Variants in PTCD3 observed in about 807,000 individuals in gnomAD.
PTCD3 encodes the protein pentatricopeptide repeat domain 3.
PTCD3 carries 89 observed loss-of-function variants against 101.9 expected under a neutral mutation model. The observed-to-expected ratio is 0.87, with a 90% CI of 0.74 to 1.04. PTCD3 has a LOEUF of 1.04. PTCD3 is among the 50% of genes least tolerant of loss of function. The probability of loss-of-function intolerance (pLI) is 0.00; values close to 1 mark genes in which losing one functional copy is unlikely to be tolerated. For synonymous variants in PTCD3, 296 were observed against 278.5 expected (o/e 1.06, Z -0.63); for missense variants, 870 against 828.2 (o/e 1.05, Z -0.62).
At chr2:86,130,537 G>T in intron 14 of PTCD3, 111 bp from the exon 15 acceptor site, 1 of 1,491,348 alleles carries the variant, frequency 6.7e-7, no homozygotes, top group Non-Finnish European at 9.0e-7. Flanking sequence ...TCTATGCGAG[G>T]ACTTAGGCTG....
intron 11 of PTCD3, 65 bp from the exon 12 acceptor site, chr2:86,125,730 C>A: frequency 1.6e-6 from 2 of 1,276,600 alleles, no homozygotes; most frequent in Non-Finnish European, 2.2e-6. Context: ...GACTGCTTTG[C>A]CTTAAACTCA....
chr2:86,135,742 T>C (rs1056413576), intron 21 of PTCD3: 3 of 333,870 alleles, frequency 9.0e-6, no homozygotes, highest in South Asian at 7.1e-5. Context: ...CAGGAAAAGA[T>C]GATGAAGGCT....
chr2:86,136,813 C>T, intron 22 of PTCD3, 169 bp from the exon 23 acceptor site: 1 of 936,846 alleles, frequency 1.1e-6, no homozygotes, highest in Non-Finnish European at 1.7e-6. Context: ...CCATTTGGCC[C>T]TTTAGACTTT....
Position 86,134,991 on chromosome 2 carries a change from A to T in PTCD3, c.1778+4A>T. 6.2e-7 allele frequency: 1 copy of T among 1,613,640 alleles called. No individual in the cohort carries two copies. The highest frequency in any genetic ancestry group is 8.5e-7 in the Non-Finnish European group (1 of 1,179,634). ...CTGGGAGAACTCAGGAAGCCTGGTG[A>T]GTACAGTACCACAAGTATACACTTT... On this transcript the variant is annotated splice_donor_region_variant and intron_variant, in intron 21 of 23. Coordinates refer to ENST00000254630, the MANE Select transcript of PTCD3 (RefSeq NM_017952.6).
chr2:86,125,007 C>T lies in PTCD3; in HGVS notation c.729C>T (p.Asn243=), dbSNP rs75290041. Residue 243 remains asparagine, a synonymous_variant, in exon 10 of 24, where the codon AAC becomes AAT. Transcript: ENST00000254630. ...CTCTTGTGTCTAGAGCAAAAAACAA[C>T]GCTGAGAGAATCTTTTCTCTAATGC... The part of the protein sequence containing the change: ...QFGVTWRAKN[N]AERIFSLMPE... The T allele has an allele frequency of 2.9e-5, 47 of 1,613,782 alleles. No individual in the cohort carries two copies. The highest frequency in any genetic ancestry group is 2.2e-4 in the Admixed American group (13 of 59,992).
rs1204619536 is a variant in PTCD3, at chr2:86,141,569, C to G, written c.*4010C>G. 1 of 152,084 alleles carries G rather than the reference C, an allele frequency of 6.6e-6. No individual in the cohort carries two copies. The highest frequency in any genetic ancestry group is 1.5e-5 in the Non-Finnish European group (1 of 68,022). 9.4% of individuals were successfully genotyped at this position (152,084 alleles called of 1,614,324 possible). A position where few individuals can be genotyped will look rare whatever the true frequency, so the allele number is the denominator to read the frequency against. On this transcript the variant is annotated 3_prime_UTR_variant, in exon 24 of 24. Transcript: ENST00000254630. ...GAAGGTGGTGTGCCTTAAAGACAGTCTAAAATTAGGTTTTAGTTTGTTACA... is the reference window on the plus strand; with the variant it reads ...GAAGGTGGTGTGCCTTAAAGACAGTGTAAAATTAGGTTTTAGTTTGTTACA...
At chr2:86,127,475 CT>C in intron 13 of PTCD3, 170 bp downstream of exon 13, 2 of 686,254 alleles carry the variant, frequency 2.9e-6, no homozygotes, top group Middle Eastern at 3.9e-4. Flanking sequence ...GTGGGAGTGC[CT>C]TTATCATCTT....
At chr2:86,131,534 A>G (rs1674495191) in intron 16 of PTCD3, among the ~76,000 whole-genome samples, 1 of 152,162 alleles carries the variant, frequency 6.6e-6, no homozygotes, top group Admixed American at 6.6e-5. Flanking sequence ...GTACTTTTCA[A>G]TCACATACTA....
intron 20 of PTCD3, 64 bp from the exon 21 acceptor site, chr2:86,134,775 G>T (rs1044956044): frequency 3.2e-6 from 5 of 1,563,300 alleles, no homozygotes; most frequent in Non-Finnish European, 2.6e-6. Flanking sequence ...TCCTGTGTTA[G>T]TCTCCTGAAC....
rs1301451266 is a variant in PTCD3, at chr2:86,108,410, T to G, written c.157+8T>G. The G allele has an allele frequency of 6.2e-7, 1 of 1,602,472 alleles. No individual in the cohort carries two copies. On this transcript the variant is annotated splice_region_variant and intron_variant, in intron 2 of 23. Transcript: ENST00000254630. Reference sequence around the variant, plus strand: ...AAGGAACTGATGTAACAGGTATATTTTAAAATATATTGAATTCTATTTTTA... The same window carrying G: ...AAGGAACTGATGTAACAGGTATATTGTAAAATATATTGAATTCTATTTTTA...
intron 3 of PTCD3, among the ~76,000 whole-genome samples, chr2:86,109,349 G>A (rs897483190): frequency 2.0e-5 from 3 of 151,322 alleles, no homozygotes; most frequent in African/African-American, 2.4e-5. Context: ...GGAGCTTGCA[G>A]TGAGCCGAGG....
In PTCD3 at chr2:86,134,453, T is replaced by G. The variant is rs1674546423; in HGVS notation, c.1629+76T>G. On this transcript the variant is annotated intron_variant, in intron 20 of 23. Coordinates refer to ENST00000254630, the MANE Select transcript of PTCD3 (RefSeq NM_017952.6). ...TAAGGCTAGCTTCCCTGGTTTTATC[T>G]GCCATTTTGGAGAGTTCTGCTACCC... 3.2e-6 allele frequency: 4 copies of G among 1,253,224 alleles called. No homozygotes were observed. The South Asian group carries it at 5.0e-5, about 16-fold the overall frequency. 77.6% of individuals were successfully genotyped at this position (1,253,224 alleles called of 1,614,324 possible). A position where few individuals can be genotyped will look rare whatever the true frequency, so the allele number is the denominator to read the frequency against.
In PTCD3 at chr2:86,121,614, ATT is replaced by A. The variant is rs745868420; in HGVS notation, c.654+30_654+31del. 2.4e-5 allele frequency: 30 copies of A among 1,257,158 alleles called. No individual in the cohort carries two copies. The highest frequency in any genetic ancestry group is 7.7e-5 in the Admixed American group (3 of 39,006). 77.9% of individuals were successfully genotyped at this position (1,257,158 alleles called of 1,614,324 possible). A position where few individuals can be genotyped will look rare whatever the true frequency, so the allele number is the denominator to read the frequency against. On this transcript the variant is annotated intron_variant, in intron 8 of 23. Coordinates refer to ENST00000254630, the MANE Select transcript of PTCD3 (RefSeq NM_017952.6). ...GCATTGGTAATAACTGTTGGCCTTGATTTTTTTTTTTCCTTAAGCTTCTTTTT... is the reference window on the plus strand; with the variant it reads ...GCATTGGTAATAACTGTTGGCCTTGATTTTTTTTTCCTTAAGCTTCTTTTT...
rs1674012030 is a variant in PTCD3 at position 86,108,604 on chromosome 2, A to G, written c.194+68A>G. 5 of 1,400,646 alleles carry G rather than the reference A, an allele frequency of 3.6e-6. 1 individual carries two copies. In the African/African-American group the frequency reaches 5.8e-5, roughly 16 times the overall value. 86.8% of individuals were successfully genotyped at this position (1,400,646 alleles called of 1,614,324 possible). The stretch of plus-strand genomic sequence containing the variant: ...TTACTATGAGAGAAGTGTAAGGGTT[A>G]GGTAAGGAGACAGTGACAGGAAGAG... On this transcript the variant is annotated intron_variant, in intron 3 of 23. Coordinates refer to ENST00000254630, the MANE Select transcript of PTCD3 (RefSeq NM_017952.6).
intron 4 of PTCD3, among the ~76,000 whole-genome samples, chr2:86,115,190 G>T (rs569815015): frequency 1.3e-5 from 2 of 152,300 alleles, no homozygotes; most frequent in South Asian, 4.2e-4. Context: ...GCCAGCCTTG[G>T]ACGCAGACCT....
At chr2:86,110,892 C>T in intron 3 of PTCD3, 1 of 731,602 alleles carries the variant, frequency 1.4e-6, no homozygotes, top group Non-Finnish European at 2.5e-6. Flanking sequence ...CATTATGCAC[C>T]AGGCCAGAGA....
In PTCD3 at chr2:86,135,358, C is replaced by G. The variant is rs1416828471; in HGVS notation, c.1778+371C>G. 3.3e-5 allele frequency among the ~76,000 whole-genome samples: 5 copies of G among 152,286 alleles called. No homozygotes were observed. In the East Asian group the frequency reaches 9.7e-4, roughly 29 times the overall value. On this transcript the variant is annotated intron_variant, in intron 21 of 23. Transcript: ENST00000254630. ...TATTGAAGTATTTTTGGATGCTTCT[C>G]CCATCCCACTCTCCAGCTTAAAATG...
chr2:86,119,232 G>A (rs1573851170), intron 7 of PTCD3, 188 bp downstream of exon 7: 3 of 717,780 alleles, frequency 4.2e-6, no homozygotes, highest in East Asian at 3.0e-5. Flanking sequence ...AATTACAGGC[G>A]AAGTAGAATT....
In PTCD3 at chr2:86,138,741, A is replaced by T. The variant is rs2104465373; in HGVS notation, c.*1182A>T. ...CATCCATGGGTATTGCTCCATATCA[A>T]AGCAGATTTGCAGGACAGAGAGAGT... On this transcript the variant is annotated 3_prime_UTR_variant, in exon 24 of 24. Coordinates refer to ENST00000254630, the MANE Select transcript of PTCD3 (RefSeq NM_017952.6). The T allele has an allele frequency of 6.6e-6, 1 of 151,902 alleles. No individual in the cohort carries two copies. The highest frequency in any genetic ancestry group is 1.9e-4 in the East Asian group (1 of 5,176). 9.4% of individuals were successfully genotyped at this position (151,902 alleles called of 1,614,324 possible). A position where few individuals can be genotyped will look rare whatever the true frequency, so the allele number is the denominator to read the frequency against.
Sources: allele counts gnomAD v4.1 joint callset (sites outside exome capture counted in the v4.1 genomes callset), GRCh38; gene constraint gnomAD v4.1.1; transcripts MANE v1.5; gene names NCBI Gene and HGNC (gene_info 2026-07-23, HGNC 2026-07-21).